Variants in NFU1 observed in about 807,000 individuals in gnomAD.
NFU1 encodes NFU1 iron-sulfur cluster scaffold homolog, mitochondrial.
Under a neutral mutation model 32.2 loss-of-function variants are expected in NFU1, and 30 were observed. The ratio of observed to expected loss-of-function variants is 0.93; its 90% CI spans 0.70 to 1.26. NFU1 has a LOEUF of 1.26. Among genes scored for constraint, NFU1 ranks in the 50% most tolerant of loss-of-function variants. The pLI, the probability that NFU1 is intolerant of heterozygous loss-of-function variation, is 0.00. For missense variants in NFU1, 306 were observed against 306.6 expected, an observed-to-expected ratio of 1.00 and a Z score of 0.02; for synonymous variants, 112 against 104.6, an observed-to-expected ratio of 1.07 and a Z score of -0.43.
intron 5 of NFU1, among the ~76,000 whole-genome samples, chr2:69,410,231 A>T (rs77887542): frequency 0.023 from 3,428 of 152,222 alleles, 136 homozygotes; most frequent in African/African-American, 0.077. Context: ...TCTACTAAAA[A>T]TACAAAAATC....
At chr2:69,397,869 A>G (rs10203815) in intron 7 of NFU1, among the ~76,000 whole-genome samples, 97,741 of 149,514 alleles carry the variant, frequency 0.65, 33,267 homozygotes, top group African/African-American at 0.85. Flanking sequence ...AGCCAAGATC[A>G]AGCCATTGTA....
At chr2:69,399,278 T>A (rs1341824858) in intron 7 of NFU1, 4 of 381,852 alleles carry the variant, frequency 1.0e-5, no homozygotes. Flanking sequence ...TTTCCACACA[T>A]CCCTTCACTC....
chr2:69,418,651 A>G (rs1018340479), intron 4 of NFU1, among the ~76,000 whole-genome samples: 3 of 151,668 alleles, frequency 2.0e-5, no homozygotes, highest in Admixed American at 2.0e-4. Context: ...TTGTATTTTT[A>G]GTAGAGACGG....
At chr2:69,398,370 G>A (rs1464649930) in intron 7 of NFU1, among the ~76,000 whole-genome samples, 1 of 152,182 alleles carries the variant, frequency 6.6e-6, no homozygotes, top group Admixed American at 6.5e-5. Context: ...AAGAGAAGAT[G>A]TCATGTACTG....
intron 6 of NFU1, among the ~76,000 whole-genome samples, chr2:69,403,859 GAT>G (rs1672603598): frequency 6.8e-6 from 1 of 147,906 alleles, no homozygotes; most frequent in East Asian, 2.0e-4. Context: ...TTTTTTTTGA[GAT>G]AGAGTCTCAC....
intron 4 of NFU1, among the ~76,000 whole-genome samples, chr2:69,417,242 C>T (rs1673085269): frequency 6.6e-6 from 1 of 151,932 alleles, no homozygotes; most frequent in Admixed American, 6.6e-5. Flanking sequence ...AACTGGAAAT[C>T]AGAAATAGAA....
intron 7 of NFU1, among the ~76,000 whole-genome samples, chr2:69,397,040 A>G (rs551373888): frequency 1.3e-5 from 2 of 150,532 alleles, no homozygotes; most frequent in Non-Finnish European, 3.0e-5. Flanking sequence ...GTGATAGAGC[A>G]CTCCAGCTTG....
chr2:69,425,024 C>T (rs536577338), intron 2 of NFU1, among the ~76,000 whole-genome samples: 9 of 151,720 alleles, frequency 5.9e-5, no homozygotes, highest in Admixed American at 1.3e-4. Context: ...CTACAGGCAC[C>T]CGCTGCCATG....
At chr2:69,402,095 A>G (rs773682374) in intron 6 of NFU1, among the ~76,000 whole-genome samples, 3 of 152,084 alleles carry the variant, frequency 2.0e-5, no homozygotes, top group Non-Finnish European at 4.4e-5. Flanking sequence ...ATGTTTCACC[A>G]TGTTGGCCAA....
Position 69,415,304 on chromosome 2 carries a change from A to G in NFU1, c.370-5T>C. 6.5e-7 allele frequency: 1 copy of G among 1,536,760 alleles called. No individual in the cohort carries two copies. Among genetic ancestry groups the G allele is most frequent in the Admixed American group, 1.7e-5 (1 of 59,730 alleles). On this transcript the variant is annotated splice_polypyrimidine_tract_variant and splice_region_variant and intron_variant, in intron 4 of 7. Transcript: ENST00000410022. ...CCAGTCTAATTCTTCATTTTCCTAT[A>G]AACATTTAAAGGAAAATGCTGTATT...
In NFU1 at chr2:69,431,923, G is replaced by T. The variant is rs113707482; in HGVS notation, c.145C>A (p.Pro49Thr). Residue 49 changes from proline (P) to threonine (T), a missense_variant, in exon 2 of 8, where the codon CCT (proline) becomes ACT (threonine). Pro to Thr is a conservative substitution (Grantham distance 38). Coordinates refer to ENST00000410022, the MANE Select transcript of NFU1 (RefSeq NM_001002755.4). Reference protein sequence around the residue: ...QFVQRPLFPLPAAFYHPVRYM... With the variant: ...QFVQRPLFPLTAAFYHPVRYM... Reference sequence around the variant, plus strand: ...TTACCTGGGTGATAAAAGGCTGCAGGTAGTGGGAAAAGTGGTCTTTGTACA... The same window carrying T: ...TTACCTGGGTGATAAAAGGCTGCAGTTAGTGGGAAAAGTGGTCTTTGTACA... 2.4e-5 allele frequency: 38 copies of T among 1,612,730 alleles called. No homozygotes were observed. The African/African-American group carries it at 2.4e-4, about 10-fold the overall frequency.
At chr2:69,402,730 C>A (rs920406603) in intron 6 of NFU1, among the ~76,000 whole-genome samples, 1 of 151,940 alleles carries the variant, frequency 6.6e-6, no homozygotes, top group Non-Finnish European at 1.5e-5. Flanking sequence ...TACAGGTGCC[C>A]GCCACCATGC....
intron 5 of NFU1, among the ~76,000 whole-genome samples, chr2:69,407,674 CA>C (rs200321994): frequency 0.63 from 65,095 of 102,720 alleles, 18,659 homozygotes; most frequent in African/African-American, 0.78. Context: ...GACTCTATCT[CA>C]AAAAAAAAAA....
chr2:69,425,280 C>A (rs1673414882), intron 2 of NFU1, among the ~76,000 whole-genome samples: 1 of 152,008 alleles, frequency 6.6e-6, no homozygotes, highest in South Asian at 2.1e-4. Context: ...CTTGGCCTCC[C>A]AAAGTAAAGT....
intron 3 of NFU1, among the ~76,000 whole-genome samples, chr2:69,421,713 GC>G (rs1442277420): frequency 1.3e-5 from 2 of 151,706 alleles, no homozygotes; most frequent in Admixed American, 6.6e-5. Flanking sequence ...GACTACAGGC[GC>G]CCGCCACCAC....
In NFU1 at chr2:69,403,484, G is replaced by A. The variant is rs184467733; in HGVS notation, c.545+2538C>T. 5.3e-4 allele frequency among the ~76,000 whole-genome samples: 81 copies of A among 151,692 alleles called. 1 individual carries two copies. The East Asian group carries it at 0.013, about 24-fold the overall frequency. On this transcript the variant is annotated intron_variant, in intron 6 of 7. Coordinates refer to ENST00000410022, the MANE Select transcript of NFU1 (RefSeq NM_001002755.4). Reference sequence around the variant, plus strand: ...CAGCCCACTGCAGCCTCAATCTCCCGGGCTCAAGCAATCTTCCCGCCTCAG... The same window carrying A: ...CAGCCCACTGCAGCCTCAATCTCCCAGGCTCAAGCAATCTTCCCGCCTCAG...
At chr2:69,398,588 C>T (rs1484276032) in intron 7 of NFU1, among the ~76,000 whole-genome samples, 1 of 152,232 alleles carries the variant, frequency 6.6e-6, no homozygotes, top group Non-Finnish European at 1.5e-5. Context: ...AAATAGCATT[C>T]TTGCCTTTTC....
In NFU1 at chr2:69,400,181, C is replaced by T. The variant is rs186028837; in HGVS notation, c.720+183G>A. Among the ~76,000 whole-genome samples the T allele has an allele frequency of 3.3e-5, 5 of 152,252 alleles. No individual in the cohort carries two copies. In the East Asian group the frequency reaches 9.6e-4, roughly 29 times the overall value. ...AGCCACTGCGCCCAGCCCAAAGTTA[C>T]TTCTAAAATAAGAGACTTCAAGTCT... On this transcript the variant is annotated intron_variant, in intron 7 of 7. Coordinates refer to ENST00000410022, the MANE Select transcript of NFU1 (RefSeq NM_001002755.4).
At chr2:69,401,533 A>G (rs993015232) in intron 6 of NFU1, among the ~76,000 whole-genome samples, 20 of 152,298 alleles carry the variant, frequency 1.3e-4, no homozygotes, top group African/African-American at 4.6e-4. Context: ...TTAGGTTAAC[A>G]TTAGGTTTTG....
Sources: gnomAD v4.1 joint callset for allele counts (sites outside exome capture counted in the v4.1 genomes callset) on GRCh38, gnomAD v4.1.1 for gene constraint, MANE v1.5 for transcripts, NCBI Gene and HGNC (gene_info 2026-07-23, HGNC 2026-07-21) for gene names.